CAMK1D: variants seen among roughly 807,000 people sequenced by gnomAD.
The protein encoded by CAMK1D is calcium/calmodulin dependent protein kinase ID.
In CAMK1D, 9 loss-of-function variants were observed where a neutral mutation model predicts 47.7. That is an observed-to-expected ratio of 0.19 (90% CI 0.11 to 0.33). CAMK1D has a LOEUF of 0.33. CAMK1D is among the 10% of genes least tolerant of loss of function. The pLI, the probability that CAMK1D is intolerant of heterozygous loss-of-function variation, is 1.00. For synonymous variants in CAMK1D, 184 were observed against 184.9 expected (o/e 0.99, Z 0.04); for missense variants, 291 against 488.7 (o/e 0.60, Z 3.81).
At chr10:12,506,860 C>G (rs1039448431) in intron 1 of CAMK1D, among the ~76,000 whole-genome samples, 20 of 152,262 alleles carry the variant, frequency 1.3e-4, no homozygotes, top group Non-Finnish European at 2.5e-4. Flanking sequence ...CCCCCGAGCC[C>G]GAGGGTAGGA....
At chr10:12,734,342 AAAAAT>A (rs1835036949) in intron 3 of CAMK1D, among the ~76,000 whole-genome samples, 3 of 18,460 alleles carry the variant, frequency 1.6e-4, no homozygotes, top group East Asian at 1.5e-3. Flanking sequence ...AAAAAAAAAA[AAAAAT>A]ATATATATAT....
intron 2 of CAMK1D, among the ~76,000 whole-genome samples, chr10:12,559,344 C>A (rs1444952705): frequency 6.6e-6 from 1 of 152,096 alleles, no homozygotes; most frequent in Admixed American, 6.5e-5. Flanking sequence ...CCATTCACGA[C>A]CAATCGAGTC....
intron 3 of CAMK1D, among the ~76,000 whole-genome samples, chr10:12,704,159 A>G (rs975281979): frequency 2.0e-5 from 3 of 152,150 alleles, no homozygotes; most frequent in African/African-American, 7.2e-5. Flanking sequence ...TAGCTGTGCT[A>G]TATTCATCCC....
rs1036159154 is a variant in CAMK1D, at chr10:12,403,623, C to T, written c.92+53713C>T. ...GTGATTTATTTTTCATTTATGAAGG[C>T]GTGCACCATAGAATTCCTGCAGAGA... is the stretch of plus-strand genomic sequence containing the variant. On this transcript the variant is annotated intron_variant, in intron 1 of 10. Transcript: ENST00000619168. 3.4e-4 allele frequency among the ~76,000 whole-genome samples: 51 copies of T among 152,210 alleles called. 1 individual carries two copies. Among genetic ancestry groups the T allele is most frequent in the South Asian group, 2.1e-4 (1 of 4,822 alleles).
At chr10:12,423,341 C>G (rs1482432049) in intron 1 of CAMK1D, among the ~76,000 whole-genome samples, 1 of 152,026 alleles carries the variant, frequency 6.6e-6, no homozygotes, top group Non-Finnish European at 1.5e-5. Context: ...AAGTGAGACC[C>G]CATCTCTACA....
In CAMK1D at chr10:12,403,384, C is replaced by T. The variant is rs533818255; in HGVS notation, c.92+53474C>T. ...TGGGACCTTGGGTGAGTCCTCGCTC[C>T]GTGCCCACCTGTCTTTCTTGGATAA... On this transcript the variant is annotated intron_variant, in intron 1 of 10. Coordinates refer to ENST00000619168, the MANE Select transcript of CAMK1D (RefSeq NM_153498.4). 7.3e-4 allele frequency among the ~76,000 whole-genome samples: 111 copies of T among 152,298 alleles called. 2 individuals carry two copies. The highest frequency in any genetic ancestry group is 7.7e-4 in the East Asian group (4 of 5,190).
At chr10:12,637,432 G>A (rs1207507449) in intron 2 of CAMK1D, among the ~76,000 whole-genome samples, 1 of 152,180 alleles carries the variant, frequency 6.6e-6, no homozygotes, top group African/African-American at 2.4e-5. Context: ...CTTCCTGCCT[G>A]TTGAAGACAG....
At chr10:12,427,700 G>GTTTTT (rs768000055) in intron 1 of CAMK1D, among the ~76,000 whole-genome samples, 403 of 30,994 alleles carry the variant, frequency 0.013, 87 homozygotes, top group East Asian at 0.049. Context: ...TGAACTTACT[G>GTTTTT]TTTTTTTTTT....
intron 2 of CAMK1D, among the ~76,000 whole-genome samples, chr10:12,632,067 G>T (rs1839396080): frequency 6.6e-6 from 1 of 152,160 alleles, no homozygotes. Flanking sequence ...CTGAATGAAG[G>T]CCCCGTTGCT....
At chr10:12,368,172 C>T (rs1453733703) in intron 1 of CAMK1D, among the ~76,000 whole-genome samples, 1 of 146,822 alleles carries the variant, frequency 6.8e-6, no homozygotes, top group East Asian at 2.0e-4. Flanking sequence ...GCAGTCCGGC[C>T]TGGGCGACAG....
At chr10:12,672,855 A>G (rs1840668342) in intron 3 of CAMK1D, among the ~76,000 whole-genome samples, 1 of 137,446 alleles carries the variant, frequency 7.3e-6, no homozygotes, top group African/African-American at 2.9e-5. Flanking sequence ...TGGCTATTCT[A>G]GAGTATTTGT....
chr10:12,517,515 GATCCTCTTT>G (rs1255076461), intron 1 of CAMK1D, among the ~76,000 whole-genome samples: 4 of 152,270 alleles, frequency 2.6e-5, no homozygotes, highest in African/African-American at 9.6e-5. Context: ...GAATTTTGTA[GATCCTCTTT>G]ATCTAGTTAA....
intron 3 of CAMK1D, among the ~76,000 whole-genome samples, chr10:12,688,748 G>A (rs879449815): frequency 6.6e-5 from 10 of 152,060 alleles, no homozygotes; most frequent in African/African-American, 1.9e-4. Context: ...GCAATGGCGC[G>A]ATCTCAGCTC....
At chr10:12,584,043 G>C (rs1035432001) in intron 2 of CAMK1D, among the ~76,000 whole-genome samples, 1 of 152,116 alleles carries the variant, frequency 6.6e-6, no homozygotes, top group Non-Finnish European at 1.5e-5. Flanking sequence ...TTCACCCTGG[G>C]AGCACCTATA....
intron 2 of CAMK1D, among the ~76,000 whole-genome samples, chr10:12,603,288 C>T (rs994618349): frequency 6.6e-6 from 1 of 152,158 alleles, no homozygotes; most frequent in Non-Finnish European, 1.5e-5. Context: ...CCTCCCCGCC[C>T]AGACTGGCTC....
intron 1 of CAMK1D, among the ~76,000 whole-genome samples, chr10:12,363,341 T>A (rs7069419): frequency 0.016 from 2,409 of 151,608 alleles, 58 homozygotes; most frequent in African/African-American, 0.048. Context: ...TGCTACCTCC[T>A]CCTCCCAGGT....
chr10:12,562,565 C>T (rs1227565849), intron 2 of CAMK1D, among the ~76,000 whole-genome samples: 1 of 152,160 alleles, frequency 6.6e-6, no homozygotes, highest in Non-Finnish European at 1.5e-5. Context: ...ACTTTGTGAT[C>T]TACCTCTTTG....
At chr10:12,609,157 G>T (rs1434459321) in intron 2 of CAMK1D, among the ~76,000 whole-genome samples, 1 of 152,216 alleles carries the variant, frequency 6.6e-6, no homozygotes. Flanking sequence ...GGGTCAGGGA[G>T]GGCTTCCTGG....
At chr10:12,419,649 C>T (rs1191682641) in intron 1 of CAMK1D, among the ~76,000 whole-genome samples, 1 of 151,706 alleles carries the variant, frequency 6.6e-6, no homozygotes. Context: ...TGCACACACA[C>T]ACACACACAC....
Sources: gnomAD v4.1 joint callset for allele counts (sites outside exome capture counted in the v4.1 genomes callset) on GRCh38, gnomAD v4.1.1 for gene constraint, MANE v1.5 for transcripts, NCBI Gene and HGNC (gene_info 2026-07-23, HGNC 2026-07-21) for gene names.